Variants in PKHD1 observed in about 807,000 individuals in gnomAD.
PKHD1 encodes PKHD1 ciliary IPT domain containing fibrocystin/polyductin.
A neutral mutation model predicts 412.0 loss-of-function variants in PKHD1; 291 were observed. The ratio of observed to expected loss-of-function variants is 0.71; its 90% CI spans 0.64 to 0.78. The LOEUF is 0.78. PKHD1 is among the 30% of genes least tolerant of loss of function. The probability of loss-of-function intolerance (pLI) is 0.00; values close to 1 mark genes in which losing one functional copy is unlikely to be tolerated. For missense variants in PKHD1, 4,825 were observed against 4,950.7 expected (o/e 0.97, Z 0.76); for synonymous variants, 1,777 against 1,821.5 (o/e 0.98, Z 0.62).
chr6:52,083,157 C>G (rs751576640), intron 3 of PKHD1, 21 bp downstream of exon 3: 1 of 1,511,964 alleles, frequency 6.6e-7, no homozygotes, highest in Non-Finnish European at 9.2e-7. Flanking sequence ...GAAATGTGCA[C>G]TTGGTAAAAC....
intron 52 of PKHD1, among the ~76,000 whole-genome samples, chr6:51,795,405 T>C (rs912050823): frequency 3.3e-5 from 5 of 152,230 alleles, no homozygotes; most frequent in African/African-American, 9.6e-5. Context: ...TGAAGTTGCT[T>C]ATCAGCTTAA....
intron 64 of PKHD1, among the ~76,000 whole-genome samples, chr6:51,633,386 G>C (rs889124308): frequency 7.2e-5 from 11 of 152,052 alleles, no homozygotes; most frequent in African/African-American, 2.7e-4. Flanking sequence ...AAAAAAGAAA[G>C]TTACCTATCT....
Position 51,950,220 on chromosome 6 carries a change from A to AAAAAAAAAAATATATAT in PKHD1, c.5908+9649_5908+9650insATATATATTTTTTTTTT. 1.4e-3 allele frequency among the ~76,000 whole-genome samples: 138 copies of AAAAAAAAAAATATATAT among 98,268 alleles called. 1 individual carries two copies. The highest frequency in any genetic ancestry group is 9.4e-3 in the Admixed American group (71 of 7,522). The allele number at this position is 98,268 out of a possible 152,430, so 64.5% of individuals were successfully genotyped here. ...AATGGGCAATATAGAGAAAAAAAAA[A>AAAAAAAAAAATATATAT]ATATATATATATATATATATGAAAT... is the stretch of plus-strand genomic sequence containing the variant. On this transcript the variant is annotated intron_variant, in intron 36 of 66. Transcript: ENST00000371117.
intron 53 of PKHD1, among the ~76,000 whole-genome samples, chr6:51,786,129 C>T (rs1792814153): frequency 6.6e-6 from 1 of 152,036 alleles, no homozygotes; most frequent in African/African-American, 2.4e-5. Context: ...TATAACTTGC[C>T]GAGGGCCATT....
rs200278368 is a variant in PKHD1, at chr6:52,025,263, G to A, written c.4547C>T (p.Pro1516Leu). Residue 1516 changes from proline (P) to leucine (L), a missense_variant, in exon 32 of 67, where the codon CCG becomes CTG. By Grantham distance (98) the Pro-to-Leu change is moderately conservative. Transcript: ENST00000371117. ...AAGTTGATCATCCACAAATACCATC[G>A]GCTCATCAGCTGTGGTGGCTAACCT... ...GQRLATTADE[P>L]MVFVDDQLPC... 105 of 1,613,840 alleles carry A rather than the reference G, an allele frequency of 6.5e-5. No individual in the cohort carries two copies. The highest frequency in any genetic ancestry group is 3.3e-4 in the Middle Eastern group (2 of 6,084).
intron 36 of PKHD1, among the ~76,000 whole-genome samples, chr6:51,955,417 C>T (rs1327327424): frequency 6.6e-6 from 1 of 151,980 alleles, no homozygotes; most frequent in Non-Finnish European, 1.5e-5. Flanking sequence ...TCTCAATTGC[C>T]CCCCAAAAAT....
intron 48 of PKHD1, 135 bp from the exon 49 acceptor site, chr6:51,856,205 A>T: frequency 1.4e-6 from 1 of 705,442 alleles, no homozygotes; most frequent in Admixed American, 2.1e-5. Flanking sequence ...CTTTAGTTGT[A>T]TGTCTAGGGA....
intron 35 of PKHD1, among the ~76,000 whole-genome samples, chr6:51,997,837 C>A (rs1042657317): frequency 2.6e-5 from 4 of 152,312 alleles, no homozygotes; most frequent in Admixed American, 6.5e-5. Flanking sequence ...GTCCAGCCAC[C>A]TTTCCTCACT....
At chr6:51,888,766 C>T (rs1169451144) in intron 43 of PKHD1, among the ~76,000 whole-genome samples, 1 of 150,740 alleles carries the variant, frequency 6.6e-6, no homozygotes, top group Non-Finnish European at 1.5e-5. Context: ...TCTATTTCTG[C>T]TTTCCTGAAT....
intron 60 of PKHD1, among the ~76,000 whole-genome samples, chr6:51,737,123 T>C (rs998508220): frequency 1.3e-5 from 2 of 152,162 alleles, no homozygotes; most frequent in Admixed American, 6.5e-5. Flanking sequence ...GTCCAAGAAG[T>C]AACACAATTT....
intron 48 of PKHD1, among the ~76,000 whole-genome samples, chr6:51,865,826 T>A (rs185272931): frequency 6.6e-6 from 1 of 152,316 alleles, no homozygotes; most frequent in Non-Finnish European, 1.5e-5. Context: ...TGAATTCAAA[T>A]TGCTCATTAG....
intron 52 of PKHD1, among the ~76,000 whole-genome samples, chr6:51,809,041 A>C (rs928311639): frequency 6.6e-6 from 1 of 152,168 alleles, no homozygotes; most frequent in Non-Finnish European, 1.5e-5. Flanking sequence ...GATATACTGA[A>C]TAATCAATAA....
chr6:51,738,817 G>C (rs1784185203), intron 60 of PKHD1, among the ~76,000 whole-genome samples: 4 of 151,860 alleles, frequency 2.6e-5, no homozygotes, highest in Admixed American at 2.0e-4. Flanking sequence ...TGCTCCCTCT[G>C]CCTGGAAGTC....
rs1308007318 is a variant in PKHD1, at chr6:51,683,074, A to C, written c.10157-23105T>G. ...GTGAATAAGAAACATGGTGAGATCA[A>C]CCAGATACCATTTAGTCAGTTGAAC... On this transcript the variant is annotated intron_variant, in intron 60 of 66. Transcript: ENST00000371117. Among the ~76,000 whole-genome samples, 4 of 152,110 alleles carry C rather than the reference A, an allele frequency of 2.6e-5. No individual in the cohort carries two copies. In the East Asian group the frequency reaches 7.7e-4, roughly 29 times the overall value.
In PKHD1 at chr6:52,022,880, A is replaced by G. The variant is rs886061618; in HGVS notation, c.5301T>C (p.Ala1767=). The G allele has an allele frequency of 8.1e-6, 13 of 1,614,166 alleles. No homozygotes were observed. The South Asian group carries it at 1.3e-4, about 16-fold the overall frequency. Reference sequence around the variant, plus strand: ...CTCGGCAGGGAGCACCACACACAGCAGCTGAGACATTCCCTGGAGAAAATC... The same window carrying G: ...CTCGGCAGGGAGCACCACACACAGCGGCTGAGACATTCCCTGGAGAAAATC... The part of the protein sequence containing the change: ...GAGFSPGNVS[A]AVCGAPCRVL... The change falls in exon 33 of 67, where the codon GCT becomes GCC. Residue 1767 remains alanine, a synonymous_variant. Coordinates refer to ENST00000371117, the MANE Select transcript of PKHD1 (RefSeq NM_138694.4).
At chr6:51,622,477 T>G (rs1331754296) in intron 66 of PKHD1, 1 of 152,214 alleles carries the variant, frequency 6.6e-6, no homozygotes, top group Non-Finnish European at 1.5e-5. Flanking sequence ...ACAACAAGAA[T>G]CAACCATCTT....
At chr6:51,819,881 C>G (rs1163441760) in intron 52 of PKHD1, among the ~76,000 whole-genome samples, 1 of 152,154 alleles carries the variant, frequency 6.6e-6, no homozygotes, top group Non-Finnish European at 1.5e-5. Flanking sequence ...TGTATATACT[C>G]TTAATGAACT....
At position 51,752,463 on chromosome 6, in the gene PKHD1, A is replaced by C. The variant is rs537819727; in HGVS notation, c.8950+738T>G. ...ACTAGAAATCTTAAATGTCTGATTT[A>C]AGGTCCAAACACTGCCCTTTACAAA... On this transcript the variant is annotated intron_variant, in intron 57 of 66. Coordinates refer to ENST00000371117, the MANE Select transcript of PKHD1 (RefSeq NM_138694.4). Among the ~76,000 whole-genome samples, 35 of 152,344 alleles carry C rather than the reference A, an allele frequency of 2.3e-4. No individual in the cohort carries two copies. In the South Asian group the frequency reaches 3.9e-3, roughly 17 times the overall value.
Position 52,043,066 on chromosome 6 carries a change from C to T in PKHD1, c.2890G>A (p.Val964Ile), listed in dbSNP as rs202167022. The change falls in exon 27 of 67, where the codon GTT (valine) becomes ATT (isoleucine). Residue 964 changes from valine (V) to isoleucine (I), a missense_variant. Coordinates refer to ENST00000371117, the MANE Select transcript of PKHD1 (RefSeq NM_138694.4). ...TTGCAACTCGTTTTGTTCACTGTAA[C>T]CTGCAAGAACTGGGAGTCACCAGAG... Reference protein sequence around the residue: ...GFSGDSQFLQVTVNKTSCKVI... With the variant: ...GFSGDSQFLQITVNKTSCKVI... 1 of 1,613,750 alleles carries T rather than the reference C, an allele frequency of 6.2e-7. No homozygotes were observed. Among genetic ancestry groups the T allele is most frequent in the East Asian group, 2.2e-5 (1 of 44,886 alleles).
Sources: gnomAD v4.1 joint callset for allele counts (sites outside exome capture counted in the v4.1 genomes callset) on GRCh38, gnomAD v4.1.1 for gene constraint, MANE v1.5 for transcripts, NCBI Gene and HGNC (gene_info 2026-07-23, HGNC 2026-07-21) for gene names.